RABGAP1: variants seen among roughly 807,000 people sequenced by gnomAD.
RABGAP1 encodes rab GTPase-activating protein 1.
A neutral mutation model predicts 137.6 loss-of-function variants in RABGAP1; 23 were observed. The observed-to-expected ratio is 0.17, with a 90% CI of 0.12 to 0.24. RABGAP1 has a LOEUF of 0.24. RABGAP1 is among the 10% of genes least tolerant of loss of function. The pLI, the probability that RABGAP1 is intolerant of heterozygous loss-of-function variation, is 1.00. For missense variants in RABGAP1, 906 were observed against 1,275.8 expected, an observed-to-expected ratio of 0.71 and a Z score of 4.42; for synonymous variants, 451 against 450.7, an observed-to-expected ratio of 1.00 and a Z score of -0.01.
chr9:123,040,222 T>C (rs1385683413), intron 13 of RABGAP1, among the ~76,000 whole-genome samples: 2 of 152,220 alleles, frequency 1.3e-5, no homozygotes, highest in Non-Finnish European at 2.9e-5. Context: ...CAAGGCTTCC[T>C]GGTGGGCCAC....
chr9:123,051,742 C>CTATTTTATTTTATTT (rs66629098), intron 13 of RABGAP1, among the ~76,000 whole-genome samples: 6 of 140,132 alleles, frequency 4.3e-5, no homozygotes, highest in African/African-American at 1.3e-4. Flanking sequence ...AAGAGAAAAG[C>CTATTTTATTTTATTT]TATTTTATTT....
At chr9:123,046,165 A>G (rs1308743192) in intron 13 of RABGAP1, among the ~76,000 whole-genome samples, 3 of 152,186 alleles carry the variant, frequency 2.0e-5, no homozygotes, top group Admixed American at 2.0e-4. Context: ...GGTTAGTCCT[A>G]TACAAATCTC....
At position 123,047,919 on chromosome 9, in the gene RABGAP1, G is replaced by GTTTTT. The variant is rs59639446; in HGVS notation, c.1795-17397_1795-17393dup. On this transcript the variant is annotated intron_variant, in intron 13 of 25. Transcript: ENST00000373647. ...TATCTAGCCATTTTACAGCTGCTGG[G>GTTTTT]TTTTTTTTTTTTTTTTTTTTTTTTT... Among the ~76,000 whole-genome samples the GTTTTT allele has an allele frequency of 4.7e-4, 29 of 62,282 alleles. 6 individuals carry two copies. The highest frequency in any genetic ancestry group is 6.4e-4 in the Non-Finnish European group (18 of 28,026). 40.9% of individuals were successfully genotyped at this position (62,282 alleles called of 152,430 possible). A position where few individuals can be genotyped will look rare whatever the true frequency, so the allele number is the denominator to read the frequency against.
rs573497804 is a variant in RABGAP1, at chr9:123,090,230, A to G, written c.2518-45A>G. ...TTAGCCCTGAGAAATTTTCATTTCC[A>G]TCTGATTTTTATGTGTCTGTAACTG... is the stretch of plus-strand genomic sequence containing the variant. On this transcript the variant is annotated intron_variant, in intron 20 of 25. Coordinates refer to ENST00000373647, the MANE Select transcript of RABGAP1 (RefSeq NM_012197.4). 3.9e-5 allele frequency: 56 copies of G among 1,452,822 alleles called. No individual in the cohort carries two copies. The South Asian group carries it at 6.2e-4, about 16-fold the overall frequency. The allele number at this position is 1,452,822 out of a possible 1,614,324, so 90.0% of individuals were successfully genotyped here. A position where few individuals can be genotyped will look rare whatever the true frequency, so the allele number is the denominator to read the frequency against.
At chr9:123,034,580 T>C (rs758684716) in intron 13 of RABGAP1, 2 of 1,602,980 alleles carry the variant, frequency 1.2e-6, no homozygotes, top group South Asian at 1.1e-5. Flanking sequence ...AACTCCACCT[T>C]GGATGGTAAT....
At chr9:123,101,820 A>G (rs1420148145) in intron 25 of RABGAP1, 57 bp downstream of exon 25, 2 of 1,472,940 alleles carry the variant, frequency 1.4e-6, no homozygotes, top group Non-Finnish European at 1.8e-6. Flanking sequence ...GATGTGCACT[A>G]GAGACCCCAG....
chr9:123,066,165 A>G (rs550670804), intron 14 of RABGAP1, among the ~76,000 whole-genome samples: 1 of 152,332 alleles, frequency 6.6e-6, no homozygotes, highest in East Asian at 1.9e-4. Flanking sequence ...CTATATGACA[A>G]CTGGTTTTAG....
At chr9:123,093,809 A>G (rs1486465974) in intron 21 of RABGAP1, among the ~76,000 whole-genome samples, 1 of 152,230 alleles carries the variant, frequency 6.6e-6, no homozygotes, top group Non-Finnish European at 1.5e-5. Context: ...ATGAATATCT[A>G]GAAATAAAAG....
At chr9:123,044,198 C>A (rs2033095792) in intron 13 of RABGAP1, among the ~76,000 whole-genome samples, 1 of 152,116 alleles carries the variant, frequency 6.6e-6, no homozygotes, top group African/African-American at 2.4e-5. Flanking sequence ...CCACCGCGCC[C>A]AGCCAGGTGT....
At chr9:122,988,017 T>C (rs1452115262) in intron 4 of RABGAP1, among the ~76,000 whole-genome samples, 3 of 152,200 alleles carry the variant, frequency 2.0e-5, no homozygotes, top group Non-Finnish European at 4.4e-5. Context: ...ATGTAATTTT[T>C]CCCCTTAAGT....
At chr9:122,971,418 A>G (rs1835467341) in intron 2 of RABGAP1, among the ~76,000 whole-genome samples, 1 of 152,230 alleles carries the variant, frequency 6.6e-6, no homozygotes, top group Non-Finnish European at 1.5e-5. Flanking sequence ...CTCTTAAAGC[A>G]GAGCACACAA....
chr9:122,961,620 A>C (rs112580657), intron 2 of RABGAP1, among the ~76,000 whole-genome samples: 631 of 152,338 alleles, frequency 4.1e-3, no homozygotes, highest in Middle Eastern at 0.01. Context: ...ATTATGTAGT[A>C]ATAACACTAT....
chr9:123,030,537 T>G (rs1214531152), intron 13 of RABGAP1, among the ~76,000 whole-genome samples: 2 of 152,198 alleles, frequency 1.3e-5, no homozygotes, highest in Admixed American at 1.3e-4. Flanking sequence ...CATTATTTTA[T>G]TTTTTATTGT....
intron 13 of RABGAP1, among the ~76,000 whole-genome samples, chr9:123,043,970 G>A (rs1209525299): frequency 1.4e-5 from 2 of 147,538 alleles, no homozygotes; most frequent in Admixed American, 1.4e-4. Context: ...GCGCGATCTC[G>A]GCTCACTGCA....
At chr9:123,091,038 A>G (rs2035017897) in intron 21 of RABGAP1, among the ~76,000 whole-genome samples, 1 of 152,246 alleles carries the variant, frequency 6.6e-6, no homozygotes, top group Admixed American at 6.5e-5. Flanking sequence ...TTATGGCCCT[A>G]CAGTCTACAT....
Position 123,103,614 on chromosome 9 carries a change from TATATA to T in RABGAP1, c.*402_*406del, listed in dbSNP as rs1282978748. ...ATATATATATATATATATATATATATATATATATATATATATATATATAGTGGGGG... is the reference window on the plus strand; with the variant it reads ...ATATATATATATATATATATATATATTATATATATATATATATAGTGGGGG... On this transcript the variant is annotated 3_prime_UTR_variant, in exon 26 of 26. Coordinates refer to ENST00000373647, the MANE Select transcript of RABGAP1 (RefSeq NM_012197.4). The T allele has an allele frequency of 1.0e-5, 1 of 98,130 alleles. No individual in the cohort carries two copies. Among genetic ancestry groups the T allele is most frequent in the Non-Finnish European group, 2.2e-5 (1 of 45,358 alleles). 6.1% of individuals were successfully genotyped at this position (98,130 alleles called of 1,614,324 possible). A position where few individuals can be genotyped will look rare whatever the true frequency, so the allele number is the denominator to read the frequency against.
chr9:123,075,837 G>A (rs2034491798), intron 17 of RABGAP1, among the ~76,000 whole-genome samples: 1 of 152,168 alleles, frequency 6.6e-6, no homozygotes, highest in Admixed American at 6.5e-5. Context: ...AGGGAGCCTT[G>A]AGCAGATTCA....
intron 15 of RABGAP1, among the ~76,000 whole-genome samples, chr9:123,072,258 A>G (rs2034380439): frequency 1.3e-5 from 2 of 152,338 alleles, no homozygotes; most frequent in Admixed American, 1.3e-4. Context: ...CTCAACCTGT[A>G]CAAGTAAAAC....
chr9:122,983,457 C>T (rs1836192352), intron 2 of RABGAP1, among the ~76,000 whole-genome samples: 1 of 152,122 alleles, frequency 6.6e-6, no homozygotes. Flanking sequence ...TAATTTGCAG[C>T]ACAAGAGACT....
Sources: gnomAD v4.1 joint callset for allele counts (sites outside exome capture counted in the v4.1 genomes callset) on GRCh38, gnomAD v4.1.1 for gene constraint, MANE v1.5 for transcripts, NCBI Gene and HGNC (gene_info 2026-07-23, HGNC 2026-07-21) for gene names.